The following EIF3J variants were observed in gnomAD, a reference collection of about 807,000 sequenced individuals.
EIF3J encodes the protein eukaryotic translation initiation factor 3, subunit 1 (alpha, 35kD).
EIF3J carries 15 observed loss-of-function variants against 39.0 expected under a neutral mutation model. The observed-to-expected ratio is 0.38, with a 90% CI of 0.26 to 0.59. The LOEUF (loss-of-function observed/expected upper bound fraction) is 0.59. Among genes scored for constraint, EIF3J ranks in the 20% least tolerant of loss-of-function variants. EIF3J has a pLI of 0.60. For missense variants in EIF3J, 226 were observed against 308.6 expected, an observed-to-expected ratio of 0.73 and a Z score of 2.00; for synonymous variants, 98 against 112.9, an observed-to-expected ratio of 0.87 and a Z score of 0.84.
chr15:44,537,882 C>T lies in EIF3J; in HGVS notation c.147+455C>T, dbSNP rs147185247. Among the ~76,000 whole-genome samples the T allele has an allele frequency of 8.9e-3, 1,355 of 152,228 alleles. 16 individuals carry two copies. Among genetic ancestry groups the T allele is most frequent in the African/African-American group, 0.031 (1,301 of 41,530 alleles). On this transcript the variant is annotated intron_variant, in intron 2 of 7. Coordinates refer to ENST00000261868, the MANE Select transcript of EIF3J (RefSeq NM_003758.4). Reference sequence around the variant, plus strand: ...CTGAGGTCTACTTATACAGTTTGTTCGAGGGATTAGATGAGTGAAATATTG... The same window carrying T: ...CTGAGGTCTACTTATACAGTTTGTTTGAGGGATTAGATGAGTGAAATATTG...
intron 2 of EIF3J, among the ~76,000 whole-genome samples, chr15:44,540,265 A>ATT (rs1200377006): frequency 1.5e-5 from 1 of 65,348 alleles, no homozygotes; most frequent in African/African-American, 6.3e-5. Context: ...ATATATATAT[A>ATT]TATTTTTTTT....
intron 2 of EIF3J, among the ~76,000 whole-genome samples, chr15:44,549,168 C>T (rs1036123571): frequency 1.3e-4 from 19 of 151,782 alleles, no homozygotes; most frequent in Admixed American, 3.9e-4. Flanking sequence ...CTGAGGTGGG[C>T]GGATCACCTG....
Position 44,561,065 on chromosome 15 carries a change from A to T in EIF3J, c.693A>T (p.Gly231=). Residue 231 remains glycine (G), a synonymous_variant, in exon 8 of 8, where the codon GGA becomes GGT. Coordinates refer to ENST00000261868, the MANE Select transcript of EIF3J (RefSeq NM_003758.4). ...KKKKGVVPGG[G]LKATMKDDLA... ...AGAAAGGTGTGGTTCCTGGAGGGGG[A>T]TTAAAAGCCACCATGAAAGATGATC... The T allele has an allele frequency of 1.2e-6, 2 of 1,613,730 alleles. No homozygotes were observed. Among genetic ancestry groups the T allele is most frequent in the South Asian group, 2.2e-5 (2 of 91,072 alleles).
intron 2 of EIF3J, among the ~76,000 whole-genome samples, chr15:44,541,129 A>G (rs1469726559): frequency 6.6e-6 from 1 of 152,138 alleles, no homozygotes; most frequent in Admixed American, 6.5e-5. Flanking sequence ...GGCTTTATTT[A>G]CCTTTTTTAC....
At position 44,560,245 on chromosome 15, in the gene EIF3J, TAAGTGG is replaced by T; in HGVS notation, c.572-1_576del. The stretch of plus-strand genomic sequence containing the variant: ...GTTTAATGGTATGCCCTTTTTTTTT[TAAGTGG>T]AAATTGATGACTTGAAAAAAATTAC... On this transcript the variant is annotated splice_acceptor_variant and splice_polypyrimidine_tract_variant and coding_sequence_variant and intron_variant, in exon 7 of 8. Transcript: ENST00000261868. LOFTEE classifies it high-confidence loss of function. 6.3e-7 allele frequency: 1 copy of T among 1,594,582 alleles called. No individual in the cohort carries two copies. The highest frequency in any genetic ancestry group is 1.8e-5 in the Admixed American group (1 of 54,654).
chr15:44,543,015 G>T (rs7178318), intron 2 of EIF3J, among the ~76,000 whole-genome samples: 3 of 152,068 alleles, frequency 2.0e-5, no homozygotes, highest in Non-Finnish European at 4.4e-5. Context: ...TCTCTAGGAA[G>T]CCTTTTTACA....
chr15:44,540,084 G>A (rs1353560743), intron 2 of EIF3J, among the ~76,000 whole-genome samples: 5 of 149,850 alleles, frequency 3.3e-5, no homozygotes, highest in African/African-American at 4.9e-5. Flanking sequence ...GATTACAAGC[G>A]CCCACCACCA....
rs1158019805 is a variant in EIF3J, at chr15:44,540,235, C to CTATA, written c.147+2838_147+2841dup. Among the ~76,000 whole-genome samples, 221 of 76,222 alleles carry CTATA rather than the reference C, an allele frequency of 2.9e-3. 1 individual carries two copies. Among genetic ancestry groups the CTATA allele is most frequent in the African/African-American group, 0.011 (188 of 17,506 alleles). The allele number at this position is 76,222 out of a possible 152,430, so 50.0% of individuals were successfully genotyped here. A position where few individuals can be genotyped will look rare whatever the true frequency, so the allele number is the denominator to read the frequency against. On this transcript the variant is annotated intron_variant, in intron 2 of 7. Coordinates refer to ENST00000261868, the MANE Select transcript of EIF3J (RefSeq NM_003758.4). The stretch of plus-strand genomic sequence containing the variant: ...TACAGACGTGAGCCACCGCGCCTGG[C>CTATA]TATATATATATATATATATATATAT...
At chr15:44,552,772 T>C (rs1168970757) in intron 4 of EIF3J, among the ~76,000 whole-genome samples, 2 of 151,356 alleles carry the variant, frequency 1.3e-5, no homozygotes, top group East Asian at 3.9e-4. Context: ...GTTGGCCAGG[T>C]TGGTCTCAAA....
At chr15:44,557,226 G>A (rs114990891) in intron 5 of EIF3J, among the ~76,000 whole-genome samples, 1,903 of 152,164 alleles carry the variant, frequency 0.013, 51 homozygotes, top group African/African-American at 0.044. Context: ...TAATACCACT[G>A]TGATTTGTTG....
rs1595811454 is a variant in EIF3J, at chr15:44,562,540, G to A, written c.*1391G>A. The A allele has an allele frequency of 6.5e-6, 1 of 153,118 alleles. No homozygotes were observed. Among genetic ancestry groups the A allele is most frequent in the Non-Finnish European group, 1.5e-5 (1 of 68,454 alleles). The allele number at this position is 153,118 out of a possible 1,614,324, so 9.5% of individuals were successfully genotyped here. A position where few individuals can be genotyped will look rare whatever the true frequency, so the allele number is the denominator to read the frequency against. ...GAAATAATAGGAACGTCAAAGCTCT[G>A]TATACCTACTAAGTGGAAAACAAGA... On this transcript the variant is annotated 3_prime_UTR_variant, in exon 8 of 8. Transcript: ENST00000261868.
chr15:44,559,537 C>T (rs2082173810), intron 6 of EIF3J, among the ~76,000 whole-genome samples: 1 of 144,366 alleles, frequency 6.9e-6, no homozygotes, highest in African/African-American at 2.6e-5. Flanking sequence ...GAAACCCCGT[C>T]TCTACTAAAA....
intron 2 of EIF3J, among the ~76,000 whole-genome samples, chr15:44,543,537 C>T (rs2082028976): frequency 6.6e-6 from 1 of 152,060 alleles, no homozygotes; most frequent in South Asian, 2.1e-4. Context: ...CCTCAGCCTC[C>T]CAAGTAGCTG....
chr15:44,553,504 GA>G (rs1014707095), intron 4 of EIF3J, among the ~76,000 whole-genome samples: 14 of 150,990 alleles, frequency 9.3e-5, no homozygotes, highest in African/African-American at 3.2e-4. Context: ...AAAAAAAAAA[GA>G]AAAAATAATT....
intron 5 of EIF3J, among the ~76,000 whole-genome samples, chr15:44,555,887 C>A (rs892706005): frequency 7.2e-5 from 11 of 151,856 alleles, no homozygotes; most frequent in African/African-American, 2.7e-4. Flanking sequence ...CTAACAGGGT[C>A]TGGCTCTGTC....
In EIF3J at chr15:44,561,406, C is replaced by A; in HGVS notation, c.*257C>A. The A allele has an allele frequency of 3.7e-6, 1 of 272,172 alleles. No individual in the cohort carries two copies. The highest frequency in any genetic ancestry group is 7.5e-5 in the South Asian group (1 of 13,332). 16.9% of individuals were successfully genotyped at this position (272,172 alleles called of 1,614,324 possible). On this transcript the variant is annotated 3_prime_UTR_variant, in exon 8 of 8. Transcript: ENST00000261868. ...AAACCTAATAATGTTGTCGTTGTTG[C>A]TATCTGATTTCATAGCAGCAGTCAC...
Position 44,560,385 on chromosome 15 carries a change from C to A in EIF3J, c.645+63C>A. On this transcript the variant is annotated intron_variant, in intron 7 of 7. Coordinates refer to ENST00000261868, the MANE Select transcript of EIF3J (RefSeq NM_003758.4). Reference sequence around the variant, plus strand: ...AGAGTGGGGTTATAGGTCTAACAGTCAACAAATATAATAGGAGCCTGTCCT... The same window carrying A: ...AGAGTGGGGTTATAGGTCTAACAGTAAACAAATATAATAGGAGCCTGTCCT... The A allele has an allele frequency of 2.8e-6, 4 of 1,454,302 alleles. No individual in the cohort carries two copies. In the South Asian group the frequency reaches 3.7e-5, roughly 13 times the overall value. The allele number at this position is 1,454,302 out of a possible 1,614,324, so 90.1% of individuals were successfully genotyped here. A position where few individuals can be genotyped will look rare whatever the true frequency, so the allele number is the denominator to read the frequency against.
chr15:44,558,273 G>A (rs371933019), intron 6 of EIF3J, among the ~76,000 whole-genome samples: 2 of 152,118 alleles, frequency 1.3e-5, no homozygotes, highest in African/African-American at 4.8e-5. Context: ...GCAGAGGCAC[G>A]ATCTCAGCTC....
intron 6 of EIF3J, among the ~76,000 whole-genome samples, chr15:44,559,851 A>T (rs889026112): frequency 3.3e-5 from 5 of 149,546 alleles, no homozygotes; most frequent in Non-Finnish European, 7.5e-5. Context: ...ATTGTGAGCT[A>T]TAAAGACAGT....
Sources: gnomAD v4.1 joint callset for allele counts (sites outside exome capture counted in the v4.1 genomes callset) on GRCh38, gnomAD v4.1.1 for gene constraint, MANE v1.5 for transcripts, NCBI Gene and HGNC (gene_info 2026-07-23, HGNC 2026-07-21) for gene names.